The following VAV2 variants were observed in gnomAD, a reference collection of about 807,000 sequenced individuals.
The protein encoded by VAV2 is vav guanine nucleotide exchange factor 2.
In VAV2, 67 loss-of-function variants were observed where a neutral mutation model predicts 132.5. The ratio of observed to expected loss-of-function variants is 0.51; its 90% confidence interval spans 0.42 to 0.62. VAV2 has a LOEUF of 0.62. Among genes scored for constraint, VAV2 ranks in the 20% least tolerant of loss-of-function variants. The pLI is 0.00. For missense variants in VAV2, 938 were observed against 1,153.6 expected (o/e 0.81, Z 2.71); for synonymous variants, 492 against 443.5 (o/e 1.11, Z -1.37).
At chr9:133,869,973 ACT>A (rs1251941595) in intron 2 of VAV2, among the ~76,000 whole-genome samples, 8 of 152,212 alleles carry the variant, frequency 5.3e-5, no homozygotes, top group African/African-American at 1.9e-4. Flanking sequence ...ATTATAAATT[ACT>A]TTCTCTAACT....
At chr9:133,971,559 G>A (rs1253429821) in intron 1 of VAV2, among the ~76,000 whole-genome samples, 1 of 152,186 alleles carries the variant, frequency 6.6e-6, no homozygotes, top group African/African-American at 2.4e-5. Context: ...CTGGGGAGGT[G>A]AGTCGTGACT....
chr9:133,808,295 C>T (rs965343707), intron 7 of VAV2, among the ~76,000 whole-genome samples: 16 of 152,212 alleles, frequency 1.1e-4, no homozygotes, highest in Non-Finnish European at 1.6e-4. Context: ...GGAGGGGGCC[C>T]GGCCGGAGCA....
At position 133,961,930 on chromosome 9, in the gene VAV2, C is replaced by T. The variant is rs1170829472; in HGVS notation, c.205-22711G>A. Among the ~76,000 whole-genome samples, 4 of 152,140 alleles carry T rather than the reference C, an allele frequency of 2.6e-5. No individual in the cohort carries two copies. The highest frequency in any genetic ancestry group is 5.9e-5 in the Non-Finnish European group (4 of 68,008). On this transcript the variant is annotated intron_variant, in intron 1 of 29. Transcript: ENST00000371850. The surrounding 1 kb of genome is among the most constrained non-coding windows in gnomAD (Gnocchi z 4.1). ...CCCTGACTCCTCACCCCACGGTGGC[C>T]CCTGCCAGAACCCAGCATCATCCCC...
At chr9:133,854,508 T>C (rs1177505195) in intron 3 of VAV2, among the ~76,000 whole-genome samples, 1 of 152,038 alleles carries the variant, frequency 6.6e-6, no homozygotes, top group Admixed American at 6.6e-5. Flanking sequence ...CCTCACTGAG[T>C]TGCCCTTGGC....
Position 133,799,872 on chromosome 9 carries a change from A to C in VAV2, c.837-2063T>G, listed in dbSNP as rs1834864868. ...ATTTAAGAGACCACCGGACAGCCCG[A>C]AAGTGAGCGGACAAGACACTGACTC... On this transcript the variant is annotated intron_variant, in intron 9 of 29. Coordinates refer to ENST00000371850, the MANE Select transcript of VAV2 (RefSeq NM_001134398.2). 2.6e-5 allele frequency among the ~76,000 whole-genome samples: 4 copies of C among 152,232 alleles called. No homozygotes were observed. The South Asian group carries it at 8.3e-4, about 32-fold the overall frequency.
rs887991453 is a variant in VAV2, at chr9:133,769,747, T to C, written c.2348-244A>G. The stretch of plus-strand genomic sequence containing the variant: ...ATGCACCCGTGTACTCGAGAGCAAA[T>C]TGGGACCACCTCCTCTCATGCCCTC... On this transcript the variant is annotated intron_variant, in intron 27 of 29. Transcript: ENST00000371850. This position sits in a 1 kb window ranked among gnomAD's most constrained non-coding sequence, Gnocchi z 8.1. Among the ~76,000 whole-genome samples, 3 of 152,118 alleles carry C rather than the reference T, an allele frequency of 2.0e-5. No individual in the cohort carries two copies. The highest frequency in any genetic ancestry group is 4.4e-5 in the Non-Finnish European group (3 of 68,014).
intron 25 of VAV2, 75 bp downstream of exon 25, chr9:133,774,860 G>C: frequency 7.5e-7 from 1 of 1,339,958 alleles, no homozygotes; most frequent in Non-Finnish European, 1.0e-6. Flanking sequence ...AGCTCAGGAC[G>C]TGGAGAGGAT....
chr9:133,797,723 C>T lies in VAV2; in HGVS notation c.923G>A (p.Arg308Lys). The change falls in exon 10 of 30, where the codon AGG becomes AAG. Residue 308 changes from arginine to lysine, a missense_variant. Physicochemically the swap from Arg to Lys is conservative, Grantham distance 26. Coordinates refer to ENST00000371850, the MANE Select transcript of VAV2 (RefSeq NM_001134398.2). ...NQLLASREDF[R>K]QKVEECTLKV... ...GGCAGGACTTACCTCGACTTTCTGC[C>T]TGAAGTCCTCCCGGCTGGCCAGGAG... The T allele has an allele frequency of 6.2e-7, 1 of 1,614,032 alleles. No individual in the cohort carries two copies. Among genetic ancestry groups the T allele is most frequent in the Non-Finnish European group, 8.5e-7 (1 of 1,179,944 alleles).
intron 1 of VAV2, among the ~76,000 whole-genome samples, chr9:133,984,074 C>A (rs1471647479): frequency 6.6e-6 from 1 of 152,098 alleles, no homozygotes; most frequent in Non-Finnish European, 1.5e-5. Flanking sequence ...TGGGTTCAAG[C>A]CATTCTCCTG....
In VAV2 at chr9:133,784,311, C is replaced by T; in HGVS notation, c.1634+6G>A. The T allele has an allele frequency of 6.2e-7, 1 of 1,614,000 alleles. No individual in the cohort carries two copies. The highest frequency in any genetic ancestry group is 1.1e-5 in the South Asian group (1 of 91,074). The stretch of plus-strand genomic sequence containing the variant: ...GGTGAGGGCTGTAGCAGGGGGTTTC[C>T]CACACCTGAGGAACATTTTGCAGGC... On this transcript the variant is annotated splice_donor_region_variant and intron_variant, in intron 18 of 29. Coordinates refer to ENST00000371850, the MANE Select transcript of VAV2 (RefSeq NM_001134398.2).
chr9:133,779,518 A>T (rs1238198103), intron 21 of VAV2, among the ~76,000 whole-genome samples: 1 of 152,232 alleles, frequency 6.6e-6, no homozygotes, highest in Non-Finnish European at 1.5e-5. Context: ...AGAGAACACG[A>T]TGCTTTTTAC....
In VAV2 at chr9:133,992,234, C is replaced by G; in HGVS notation, c.45G>C (p.Lys15Asn). 6.3e-7 allele frequency: 1 copy of G among 1,587,952 alleles called. No individual in the cohort carries two copies. Among genetic ancestry groups the G allele is most frequent in the Non-Finnish European group, 8.6e-7 (1 of 1,167,946 alleles). Residue 15 changes from lysine (K) to asparagine (N), a missense_variant, in exon 1 of 30, where the codon AAG becomes AAC. By Grantham distance (94) the Lys-to-Asn change is moderately conservative. Coordinates refer to ENST00000371850, the MANE Select transcript of VAV2 (RefSeq NM_001134398.2). This position sits in a 1 kb window ranked among gnomAD's most constrained non-coding sequence, Gnocchi z 5.5. ...RQCGRWLIDC[K>N]VLPPNHRVVW... ...CCACCCGGTGGTTGGGCGGCAGGAC[C>G]TTGCAATCGATGAGCCAGCGGCCGC...
chr9:133,840,955 G>A lies in VAV2; in HGVS notation c.381-6615C>T, dbSNP rs755159125. ...GGGTAGCAAGCACAGGTCTGTCAGT[G>A]CAGACCCTCAGGATCTCAGCTAGAG... On this transcript the variant is annotated intron_variant, in intron 3 of 29. Coordinates refer to ENST00000371850, the MANE Select transcript of VAV2 (RefSeq NM_001134398.2). This position sits in a 1 kb window ranked among gnomAD's most constrained non-coding sequence, Gnocchi z 4.5. 1.3e-5 allele frequency among the ~76,000 whole-genome samples: 2 copies of A among 152,168 alleles called. No individual in the cohort carries two copies. Among genetic ancestry groups the A allele is most frequent in the South Asian group, 4.2e-4 (2 of 4,816 alleles).
chr9:133,825,772 C>T (rs1434061629), intron 4 of VAV2, among the ~76,000 whole-genome samples: 1 of 152,076 alleles, frequency 6.6e-6, no homozygotes. Context: ...TGGCCAAGGC[C>T]CCAGGGCAGG....
chr9:133,859,188 G>A (rs2131861196), intron 3 of VAV2, among the ~76,000 whole-genome samples: 1 of 152,352 alleles, frequency 6.6e-6, no homozygotes, highest in East Asian at 1.9e-4. Flanking sequence ...GACAGATGCA[G>A]GGCCAGCCCT....
In VAV2 at chr9:133,924,951, C is replaced by T. The variant is rs577483977; in HGVS notation, c.321+14152G>A. Reference sequence around the variant, plus strand: ...GAAACCTGAAACTTCACGCTCAGTGCAAGAAGCCGACGCTAAAGGCCACAT... The same window carrying T: ...GAAACCTGAAACTTCACGCTCAGTGTAAGAAGCCGACGCTAAAGGCCACAT... On this transcript the variant is annotated intron_variant, in intron 2 of 29. Coordinates refer to ENST00000371850, the MANE Select transcript of VAV2 (RefSeq NM_001134398.2). Among the ~76,000 whole-genome samples, 5 of 152,346 alleles carry T rather than the reference C, an allele frequency of 3.3e-5. No homozygotes were observed. In the South Asian group the frequency reaches 1.0e-3, roughly 32 times the overall value.
chr9:133,937,294 G>A (rs1840946482), intron 2 of VAV2, among the ~76,000 whole-genome samples: 1 of 152,092 alleles, frequency 6.6e-6, no homozygotes, highest in Non-Finnish European at 1.5e-5. Context: ...CTGTGAATGT[G>A]TGTGTGTTAA....
intron 1 of VAV2, among the ~76,000 whole-genome samples, chr9:133,977,186 C>T (rs1017438847): frequency 6.6e-6 from 1 of 152,194 alleles, no homozygotes; most frequent in Non-Finnish European, 1.5e-5. Context: ...AGAGTGAGGC[C>T]CCCCCAGCAT....
At chr9:133,880,394 A>G (rs951555713) in intron 2 of VAV2, among the ~76,000 whole-genome samples, 2 of 152,234 alleles carry the variant, frequency 1.3e-5, no homozygotes, top group African/African-American at 4.8e-5. Context: ...GCAGGGAAGG[A>G]CAATGGCCTT....
Sources: allele counts gnomAD v4.1 joint callset (sites outside exome capture counted in the v4.1 genomes callset), GRCh38; gene constraint gnomAD v4.1.1; non-coding constraint Gnocchi (gnomAD v3.1); transcripts MANE v1.5; gene names NCBI Gene and HGNC (gene_info 2026-07-23, HGNC 2026-07-21).